RPS6KA2: variants seen among roughly 807,000 people sequenced by gnomAD.
The protein encoded by RPS6KA2 is ribosomal protein S6 kinase A2, also known as ribosomal protein S6 kinase alpha-2.
Under a neutral mutation model 91.8 loss-of-function variants are expected in RPS6KA2, and 42 were observed. The ratio of observed to expected loss-of-function variants is 0.46; its 90% CI spans 0.36 to 0.59. The LOEUF (loss-of-function observed/expected upper bound fraction) is 0.59. Among genes scored for constraint, RPS6KA2 ranks in the 20% least tolerant of loss-of-function variants. The probability of loss-of-function intolerance (pLI) is 0.00; values close to 1 mark genes in which losing one functional copy is unlikely to be tolerated. For missense variants in RPS6KA2, 798 were observed against 978.5 expected, an observed-to-expected ratio of 0.82 and a Z score of 2.46; for synonymous variants, 414 against 393.6, an observed-to-expected ratio of 1.05 and a Z score of -0.61.
At chr6:166,642,389 G>A (rs1198920792) in intron 2 of RPS6KA2, among the ~76,000 whole-genome samples, 1 of 152,204 alleles carries the variant, frequency 6.6e-6, no homozygotes, top group Non-Finnish European at 1.5e-5. Context: ...GAAATTGTGT[G>A]GGTAAAGCTA....
chr6:166,505,760 T>A (rs561847783), intron 5 of RPS6KA2, among the ~76,000 whole-genome samples: 1 of 152,258 alleles, frequency 6.6e-6, no homozygotes, highest in East Asian at 1.9e-4. Context: ...GCCCCCCGAG[T>A]CCCCGTCCTC....
chr6:166,821,555 G>A lies in RPS6KA2; in HGVS notation c.123+36645C>T, dbSNP rs1779904230. Among the ~76,000 whole-genome samples, 1 of 152,084 alleles carries A rather than the reference G, an allele frequency of 6.6e-6. No individual in the cohort carries two copies. The highest frequency in any genetic ancestry group is 2.1e-4 in the South Asian group (1 of 4,802). ...CCCTGTCCATGTGCATCCTCCGTGT[G>A]GGTGCGGTGGGCCATCCCTCCTCCC... On this transcript the variant is annotated intron_variant, in intron 2 of 21. Transcript: ENST00000503859. This position sits in a 1 kb window ranked among gnomAD's most constrained non-coding sequence, Gnocchi z 4.1.
chr6:166,726,098 A>G lies in RPS6KA2; in HGVS notation c.123+132102T>C, dbSNP rs572989998. ...TGAAAACACGTGGCTTTTAGGTCCT[A>G]CAGAAATGCCCTTAGGCTACAATAT... is the stretch of plus-strand genomic sequence containing the variant. On this transcript the variant is annotated intron_variant, in intron 2 of 21. Transcript: ENST00000503859. This position sits in a 1 kb window ranked among gnomAD's most constrained non-coding sequence, Gnocchi z 4.4. 6.6e-6 allele frequency among the ~76,000 whole-genome samples: 1 copy of G among 152,078 alleles called. No individual in the cohort carries two copies. The highest frequency in any genetic ancestry group is 2.4e-5 in the African/African-American group (1 of 41,388).
intron 3 of RPS6KA2, 70 bp from the exon 4 acceptor site, chr6:166,510,427 A>G (rs1483453499): frequency 2.1e-6 from 2 of 965,944 alleles, no homozygotes; most frequent in Non-Finnish European, 3.1e-6. Flanking sequence ...TGAACATGAA[A>G]TACTAGATAT....
At chr6:166,599,366 T>C (rs73259009) in intron 1 of RPS6KA2, among the ~76,000 whole-genome samples, 5,054 of 152,272 alleles carry the variant, frequency 0.033, 90 homozygotes, top group East Asian at 0.077. Context: ...TGTCTCTGGT[T>C]TTCAGGAAGA....
intron 2 of RPS6KA2, among the ~76,000 whole-genome samples, chr6:166,652,141 C>T (rs1317415268): frequency 2.6e-5 from 4 of 152,218 alleles, no homozygotes; most frequent in African/African-American, 7.2e-5. Flanking sequence ...GATAGAGCTT[C>T]GGATTATCTC....
chr6:166,759,425 CCT>C (rs1317181785), intron 2 of RPS6KA2, among the ~76,000 whole-genome samples: 20 of 152,302 alleles, frequency 1.3e-4, no homozygotes, highest in African/African-American at 4.6e-4. Context: ...GAAGAAAATG[CCT>C]CTGTCTTCCA....
chr6:166,447,679 C>T (rs1182103765), intron 14 of RPS6KA2, among the ~76,000 whole-genome samples: 2 of 152,226 alleles, frequency 1.3e-5, no homozygotes, highest in Non-Finnish European at 2.9e-5. Context: ...TCAACATTGT[C>T]ATTATTTTGA....
At chr6:166,655,055 A>G (rs528932389) in intron 2 of RPS6KA2, among the ~76,000 whole-genome samples, 1 of 152,332 alleles carries the variant, frequency 6.6e-6, no homozygotes, top group Admixed American at 6.5e-5. Flanking sequence ...CCCTCTAGAC[A>G]CTGACAACCC....
chr6:166,418,262 G>A lies in RPS6KA2; in HGVS notation c.1901C>T (p.Ser634Phe). 6.2e-7 allele frequency: 1 copy of A among 1,613,920 alleles called. No individual in the cohort carries two copies. The highest frequency in any genetic ancestry group is 8.5e-7 in the Non-Finnish European group (1 of 1,179,866). ...AGATATCGAGTCCCAGTTTCCCCCA[G>A]AAAGGGCATACTTCCCACTGCCGAT... The part of the protein sequence containing the change: ...ARIGSGKYAL[S>F]GGNWDSISDA... Residue 634 changes from serine (S) to phenylalanine (F), a missense_variant, in exon 19 of 21, where the codon TCT becomes TTT. Physicochemically the swap from Ser to Phe is radical, Grantham distance 155. Coordinates refer to ENST00000265678, the MANE Select transcript of RPS6KA2 (RefSeq NM_021135.6). The surrounding 1 kb of genome is among the most constrained non-coding windows in gnomAD (Gnocchi z 4.9).
At chr6:166,701,911 T>C in intron 2 of RPS6KA2, 3 of 1,109,448 alleles carry the variant, frequency 2.7e-6, no homozygotes, top group South Asian at 2.5e-5. Context: ...TTTTAGTGTC[T>C]GTGTCTTGCT....
intron 2 of RPS6KA2, among the ~76,000 whole-genome samples, chr6:166,846,136 A>G (rs1166075592): frequency 2.0e-5 from 3 of 152,180 alleles, no homozygotes; most frequent in Non-Finnish European, 4.4e-5. Flanking sequence ...CTCAAAATAT[A>G]CAACCCTCCT....
chr6:166,574,529 T>G (rs1056079004), intron 1 of RPS6KA2, among the ~76,000 whole-genome samples: 1 of 152,224 alleles, frequency 6.6e-6, no homozygotes, highest in Admixed American at 6.5e-5. Context: ...ATCACGTATA[T>G]GTACCACATT....
rs1393516535 is a variant in RPS6KA2 at position 166,508,034 on chromosome 6, C to T, written c.459+169G>A. On this transcript the variant is annotated intron_variant, in intron 5 of 20. Transcript: ENST00000265678. The surrounding 1 kb of genome is among the most constrained non-coding windows in gnomAD (Gnocchi z 4.3). ...CTTGCACACACTCACACATGTACAC[C>T]TCTCCCACACACGCACTCTTGCACA... Among the ~76,000 whole-genome samples, 1 of 150,928 alleles carries T rather than the reference C, an allele frequency of 6.6e-6. No homozygotes were observed. The highest frequency in any genetic ancestry group is 1.5e-5 in the Non-Finnish European group (1 of 67,698).
chr6:166,696,958 C>T (rs1007663281), intron 2 of RPS6KA2, among the ~76,000 whole-genome samples: 3 of 152,174 alleles, frequency 2.0e-5, no homozygotes, highest in Admixed American at 6.5e-5. Flanking sequence ...ATGGGCCCTT[C>T]TGGGACTTCA....
chr6:166,530,628 A>G (rs1333832586), intron 3 of RPS6KA2, among the ~76,000 whole-genome samples: 3 of 152,206 alleles, frequency 2.0e-5, no homozygotes, highest in Non-Finnish European at 4.4e-5. Context: ...TCACCAACAC[A>G]GTGAATAGGA....
At chr6:166,850,587 G>A (rs952208091) in intron 2 of RPS6KA2, among the ~76,000 whole-genome samples, 1 of 152,226 alleles carries the variant, frequency 6.6e-6, no homozygotes, top group African/African-American at 2.4e-5. Context: ...TTTGGAAAGA[G>A]AGGAGAAAGG....
intron 13 of RPS6KA2, 120 bp downstream of exon 13, chr6:166,450,983 T>A: frequency 8.4e-7 from 1 of 1,195,248 alleles, no homozygotes; most frequent in Non-Finnish European, 1.2e-6. Context: ...GAATTGGTGA[T>A]TAAAGTCCAC....
At chr6:166,828,528 TA>T (rs1780102768) in intron 2 of RPS6KA2, among the ~76,000 whole-genome samples, 1 of 152,328 alleles carries the variant, frequency 6.6e-6, no homozygotes, top group Middle Eastern at 3.4e-3. Flanking sequence ...ATTTATCACA[TA>T]AAAATCTAAC....
Sources: gnomAD v4.1 joint callset for allele counts (sites outside exome capture counted in the v4.1 genomes callset) on GRCh38, gnomAD v4.1.1 for gene constraint, Gnocchi (gnomAD v3.1) non-coding constraint, MANE v1.5 for transcripts, NCBI Gene and HGNC (gene_info 2026-07-23, HGNC 2026-07-21) for gene names.